PDGFC: variants seen among roughly 807,000 people sequenced by gnomAD.
PDGFC encodes platelet-derived growth factor C.
PDGFC carries 12 observed loss-of-function variants against 35.5 expected under a neutral mutation model. That is an observed-to-expected ratio of 0.34 (90% CI 0.22 to 0.55). The LOEUF is 0.55. Ranked by LOEUF, PDGFC falls within the 20% of genes least tolerant of loss-of-function variation. The pLI, the probability that PDGFC is intolerant of heterozygous loss-of-function variation, is 0.91. For synonymous variants in PDGFC, 159 were observed against 148.8 expected (o/e 1.07, Z -0.50); for missense variants, 322 against 412.4 (o/e 0.78, Z 1.90).
chr4:156,835,860 T>G (rs369062831), intron 2 of PDGFC: 5 of 152,150 alleles, frequency 3.3e-5, no homozygotes, highest in African/African-American at 1.2e-4. Flanking sequence ...CTCTTCATTT[T>G]CCAAACTAGT....
intron 1 of PDGFC, among the ~76,000 whole-genome samples, chr4:156,949,076 C>T (rs1045504392): frequency 9.2e-5 from 14 of 151,884 alleles, no homozygotes; most frequent in African/African-American, 3.4e-4. Context: ...TGAAAACATC[C>T]AGTTCCTTGG....
intron 3 of PDGFC, among the ~76,000 whole-genome samples, chr4:156,800,236 T>C (rs770293277): frequency 6.6e-6 from 1 of 152,158 alleles, no homozygotes; most frequent in Non-Finnish European, 1.5e-5. Flanking sequence ...TTTGCCTGAC[T>C]CAAGTATTTT....
intron 1 of PDGFC, among the ~76,000 whole-genome samples, chr4:156,856,865 T>C (rs1729596093): frequency 2.0e-5 from 3 of 152,236 alleles, no homozygotes; most frequent in South Asian, 2.1e-4. Context: ...CCTACAAACA[T>C]ATTTCAGCAG....
chr4:156,795,311 G>C (rs906791876), intron 3 of PDGFC, among the ~76,000 whole-genome samples: 1 of 152,116 alleles, frequency 6.6e-6, no homozygotes, highest in Non-Finnish European at 1.5e-5. Context: ...GTGAAATACA[G>C]GAAGGAAAGC....
At chr4:156,870,957 T>C (rs1357179042) in intron 1 of PDGFC, among the ~76,000 whole-genome samples, 1 of 152,068 alleles carries the variant, frequency 6.6e-6, no homozygotes, top group Non-Finnish European at 1.5e-5. Context: ...GTAAAAAACA[T>C]TGAATGCTGA....
At chr4:156,897,370 G>GTGTGTC (rs1202360616) in intron 1 of PDGFC, among the ~76,000 whole-genome samples, 2 of 151,720 alleles carry the variant, frequency 1.3e-5, no homozygotes, top group Non-Finnish European at 2.9e-5. Flanking sequence ...GTGTGTGTGT[G>GTGTGTC]TGTGTGTGTG....
intron 1 of PDGFC, among the ~76,000 whole-genome samples, chr4:156,901,595 C>CATTATTATTATTATT (rs111503240): frequency 2.0e-5 from 3 of 150,448 alleles, no homozygotes; most frequent in African/African-American, 7.3e-5. Context: ...GTATCTATTT[C>CATTATTATTATTATT]ATTATTATTA....
At chr4:156,943,145 G>C (rs1731854015) in intron 1 of PDGFC, among the ~76,000 whole-genome samples, 1 of 151,970 alleles carries the variant, frequency 6.6e-6, no homozygotes, top group South Asian at 2.1e-4. Context: ...ATGAGTAACA[G>C]AAAATTCAAG....
At chr4:156,930,374 A>T (rs1442496048) in intron 1 of PDGFC, among the ~76,000 whole-genome samples, 1 of 152,222 alleles carries the variant, frequency 6.6e-6, no homozygotes, top group African/African-American at 2.4e-5. Flanking sequence ...TTTTGAGCTT[A>T]ATCAATCTGT....
chr4:156,797,713 A>T (rs1731484998), intron 3 of PDGFC, among the ~76,000 whole-genome samples: 1 of 152,214 alleles, frequency 6.6e-6, no homozygotes. Flanking sequence ...GTCCTGGGCC[A>T]CATGGGGCCC....
At chr4:156,911,340 G>GT (rs1035904432) in intron 1 of PDGFC, among the ~76,000 whole-genome samples, 8 of 151,962 alleles carry the variant, frequency 5.3e-5, no homozygotes, top group Admixed American at 4.6e-4. Context: ...CATATGCTTA[G>GT]TTTTTTTCTT....
chr4:156,842,354 C>A (rs1729226201), intron 2 of PDGFC: 1 of 150,864 alleles, frequency 6.6e-6, no homozygotes, highest in Non-Finnish European at 1.5e-5. Flanking sequence ...AACATGCTTT[C>A]TATTAATCCA....
chr4:156,889,535 G>A (rs1460537312), intron 1 of PDGFC, among the ~76,000 whole-genome samples: 1 of 152,106 alleles, frequency 6.6e-6, no homozygotes, highest in Non-Finnish European at 1.5e-5. Flanking sequence ...TTGCCATACT[G>A]CGTTTCTTAA....
intron 3 of PDGFC, among the ~76,000 whole-genome samples, chr4:156,774,188 G>T (rs571341518): frequency 1.6e-3 from 244 of 152,078 alleles, no homozygotes; most frequent in Non-Finnish European, 1.6e-3. Context: ...ACTGACCTCT[G>T]CTCACCTTCC....
chr4:156,936,066 T>C (rs571339573), intron 1 of PDGFC, among the ~76,000 whole-genome samples: 1 of 152,280 alleles, frequency 6.6e-6, no homozygotes, highest in Non-Finnish European at 1.5e-5. Context: ...GAGATTAATA[T>C]TAAAATATAA....
At chr4:156,959,529 G>A (rs969459500) in intron 1 of PDGFC, among the ~76,000 whole-genome samples, 5 of 151,986 alleles carry the variant, frequency 3.3e-5, no homozygotes, top group African/African-American at 7.2e-5. Flanking sequence ...TTAGATGGAC[G>A]TGGTCTCATA....
At chr4:156,845,222 T>C (rs566664942) in intron 2 of PDGFC, among the ~76,000 whole-genome samples, 36 of 151,790 alleles carry the variant, frequency 2.4e-4, no homozygotes, top group African/African-American at 8.4e-4. Flanking sequence ...ATTATCAAAA[T>C]TGGCAGGGCG....
intron 2 of PDGFC, among the ~76,000 whole-genome samples, chr4:156,831,360 C>T (rs1440996088): frequency 6.6e-6 from 1 of 151,134 alleles, no homozygotes; most frequent in East Asian, 1.9e-4. Context: ...GTATTCCTAG[C>T]TAGTTGGGTG....
chr4:156,771,051 C>T (rs1730680593), intron 4 of PDGFC, among the ~76,000 whole-genome samples: 1 of 152,274 alleles, frequency 6.6e-6, no homozygotes, highest in South Asian at 2.1e-4. Flanking sequence ...AAAATGTACA[C>T]TGCTTTTCTC....
Sources: allele counts gnomAD v4.1 joint callset (sites outside exome capture counted in the v4.1 genomes callset), GRCh38; gene constraint gnomAD v4.1.1; transcripts MANE v1.5; gene names NCBI Gene and HGNC (gene_info 2026-07-23, HGNC 2026-07-21).